GNPTAB: variants seen among roughly 807,000 people sequenced by gnomAD.
The protein encoded by GNPTAB is N-acetylglucosamine-1-phosphotransferase subunits alpha/beta.
GNPTAB carries 92 observed loss-of-function variants against 136.6 expected under a neutral mutation model. The observed-to-expected ratio is 0.67, with a 90% CI of 0.57 to 0.80. The LOEUF (loss-of-function observed/expected upper bound fraction) is 0.80. Ranked by LOEUF, GNPTAB falls within the 30% of genes least tolerant of loss-of-function variation. The pLI, the probability that GNPTAB is intolerant of heterozygous loss-of-function variation, is 0.00. For synonymous variants in GNPTAB, 512 were observed against 535.1 expected (o/e 0.96, Z 0.60); for missense variants, 1,343 against 1,501.8 (o/e 0.89, Z 1.75).
intron 7 of GNPTAB, among the ~76,000 whole-genome samples, chr12:101,776,893 G>A (rs1015328301): frequency 2.0e-4 from 31 of 152,220 alleles, no homozygotes; most frequent in African/African-American, 7.5e-4. Context: ...AAGGCCTCCT[G>A]GGGGAACCTG....
chr12:101,796,693 T>G lies in GNPTAB; in HGVS notation c.187A>C (p.Lys63Gln). ...FDSYRDNIAG[K>Q]SFQNRLCLPM... The stretch of plus-strand genomic sequence containing the variant: ...AGATCTTACCGATTCTGAAAGGACT[T>G]TCCAGCAATATTGTCTCTATAGGAA... The change falls in exon 2 of 21, where the codon AAG (lysine) becomes CAG (glutamine). Residue 63 changes from lysine (K) to glutamine (Q), a missense_variant. Physicochemically the swap from Lys to Gln is moderately conservative, Grantham distance 53. Coordinates refer to ENST00000299314, the MANE Select transcript of GNPTAB (RefSeq NM_024312.5). The G allele has an allele frequency of 1.2e-6, 2 of 1,609,432 alleles. No homozygotes were observed. Among genetic ancestry groups the G allele is most frequent in the Non-Finnish European group, 1.7e-6 (2 of 1,175,890 alleles).
chr12:101,800,604 C>CAAAAAA (rs58129963), intron 1 of GNPTAB, among the ~76,000 whole-genome samples: 20 of 74,268 alleles, frequency 2.7e-4, no homozygotes, highest in African/African-American at 7.4e-4. Flanking sequence ...ACTAAAAATA[C>CAAAAAA]AAAAAAAAAA....
chr12:101,747,495 T>C (rs1194516365), intron 20 of GNPTAB, among the ~76,000 whole-genome samples: 3 of 152,202 alleles, frequency 2.0e-5, no homozygotes, highest in Admixed American at 6.5e-5. Flanking sequence ...TTTCGGCCCA[T>C]GCTTCATTTT....
intron 12 of GNPTAB, 117 bp downstream of exon 12, chr12:101,765,974 C>A: frequency 2.3e-6 from 2 of 862,606 alleles, no homozygotes; most frequent in South Asian, 1.3e-5. Flanking sequence ...GAATGCAAGG[C>A]TGGTAAAGGG....
At position 101,761,694 on chromosome 12, in the gene GNPTAB, C is replaced by A; in HGVS notation, c.2785G>T (p.Asp929Tyr). ...TATCTGAGGGAATCTGCAAATGTAT[C>A]TTTTAGTTGCCTCCCAGTATTTTTG... ...DSKNTGRQLK[D>Y]TFADSLRYVN... The change falls in exon 14 of 21, where the codon GAT (aspartate) becomes TAT (tyrosine). Residue 929 changes from aspartate to tyrosine, a missense_variant. Transcript: ENST00000299314. 6.2e-7 allele frequency: 1 copy of A among 1,613,886 alleles called. No homozygotes were observed. Among genetic ancestry groups the A allele is most frequent in the Non-Finnish European group, 8.5e-7 (1 of 1,179,760 alleles).
At position 101,830,641 on chromosome 12, in the gene GNPTAB, G is replaced by C. The variant is rs1296697509; in HGVS notation, c.35C>G (p.Thr12Ser). 8.7e-6 allele frequency: 14 copies of C among 1,611,036 alleles called. No individual in the cohort carries two copies. Among genetic ancestry groups the C allele is most frequent in the Non-Finnish European group, 1.2e-5 (14 of 1,177,762 alleles). The change falls in exon 1 of 21, where the codon ACC (threonine) becomes AGC (serine). Residue 12 changes from threonine to serine, a missense_variant. Physicochemically the swap from Thr to Ser is moderately conservative, Grantham distance 58 (BLOSUM62 1). Coordinates refer to ENST00000299314, the MANE Select transcript of GNPTAB (RefSeq NM_024312.5). ...LFKLLQRQTY[T>S]CLSHRYGLYV... The stretch of plus-strand genomic sequence containing the variant: ...GAGCCCATACCTGTGGGACAGGCAG[G>C]TATAGGTCTGTCTCTGCAGGAGCTT...
intron 2 of GNPTAB, 183 bp downstream of exon 2, chr12:101,796,494 T>G (rs1264055392): frequency 1.6e-6 from 1 of 618,196 alleles, no homozygotes; most frequent in Non-Finnish European, 2.9e-6. Context: ...CGTTCCAGTT[T>G]TTTTTTCCTT....
intron 7 of GNPTAB, among the ~76,000 whole-genome samples, chr12:101,772,749 C>A (rs11111016): frequency 0.098 from 14,928 of 152,154 alleles, 876 homozygotes; most frequent in Middle Eastern, 0.2. Flanking sequence ...TCTCACAGCA[C>A]CCCCAAAGCA....
chr12:101,768,234 T>C (rs1179437073), intron 10 of GNPTAB, 74 bp from the exon 11 acceptor site: 3 of 1,520,438 alleles, frequency 2.0e-6, no homozygotes, highest in East Asian at 4.6e-5. Context: ...TAAGATTCCC[T>C]TTATAAAAAG....
intron 1 of GNPTAB, among the ~76,000 whole-genome samples, chr12:101,797,197 A>G (rs994666968): frequency 1.3e-5 from 2 of 152,180 alleles, no homozygotes; most frequent in Non-Finnish European, 2.9e-5. Flanking sequence ...AAATGGGTCT[A>G]GGAAAGAAAG....
chr12:101,765,393 T>C, intron 12 of GNPTAB, 89 bp from the exon 13 acceptor site: 3 of 916,810 alleles, frequency 3.3e-6, no homozygotes, highest in Non-Finnish European at 5.3e-6. Flanking sequence ...AGTTTTCACT[T>C]TCTTTTAAAA....
At chr12:101,801,179 C>T (rs903172419) in intron 1 of GNPTAB, among the ~76,000 whole-genome samples, 1 of 138,362 alleles carries the variant, frequency 7.2e-6, no homozygotes, top group Non-Finnish European at 1.5e-5. Flanking sequence ...CTGCAGTGAG[C>T]CATGATTGCA....
At chr12:101,752,421 T>TCAAAA (rs547835167) in intron 19 of GNPTAB, among the ~76,000 whole-genome samples, 488 of 152,272 alleles carry the variant, frequency 3.2e-3, no homozygotes, top group East Asian at 7.9e-3. Context: ...CAAGACTGTC[T>TCAAAA]CAAAACAAAA....
At chr12:101,800,513 C>CT (rs1375339563) in intron 1 of GNPTAB, among the ~76,000 whole-genome samples, 1 of 147,688 alleles carries the variant, frequency 6.8e-6, no homozygotes, top group Non-Finnish European at 1.5e-5. Context: ...AATCCCAGCA[C>CT]TTTGGGAGGT....
At chr12:101,799,935 T>C (rs565961630) in intron 1 of GNPTAB, among the ~76,000 whole-genome samples, 3 of 152,244 alleles carry the variant, frequency 2.0e-5, no homozygotes, top group Non-Finnish European at 4.4e-5. Flanking sequence ...ATGGAAAGAA[T>C]TGCCAACGTT....
At chr12:101,747,800 C>T (rs1952756572) in intron 20 of GNPTAB, among the ~76,000 whole-genome samples, 1 of 151,692 alleles carries the variant, frequency 6.6e-6, no homozygotes, top group Non-Finnish European at 1.5e-5. Context: ...AGGAGTTTGA[C>T]TCCAGTAGAG....
Position 101,780,633 on chromosome 12 carries a change from A to G in GNPTAB, c.572-12T>C. On this transcript the variant is annotated splice_polypyrimidine_tract_variant and intron_variant, in intron 5 of 20. Coordinates refer to ENST00000299314, the MANE Select transcript of GNPTAB (RefSeq NM_024312.5). ...GTGGGCATCTTCAACTACAACCAAG[A>G]ATACAATAAACAAGCACATTTTTAA... 6.3e-7 allele frequency: 1 copy of G among 1,579,040 alleles called. No homozygotes were observed.
chr12:101,804,963 A>C (rs1048307721), intron 1 of GNPTAB, among the ~76,000 whole-genome samples: 4 of 152,268 alleles, frequency 2.6e-5, no homozygotes, highest in Non-Finnish European at 4.4e-5. Flanking sequence ...AAAGTACTAT[A>C]GGATGTATAA....
intron 5 of GNPTAB, among the ~76,000 whole-genome samples, chr12:101,783,103 G>A (rs570859150): frequency 1.3e-5 from 2 of 151,622 alleles, no homozygotes; most frequent in African/African-American, 2.4e-5. Flanking sequence ...CGTGTTTACC[G>A]TCTGACTCTC....
Sources: allele counts gnomAD v4.1 joint callset (sites outside exome capture counted in the v4.1 genomes callset), GRCh38; gene constraint gnomAD v4.1.1; transcripts MANE v1.5; gene names NCBI Gene and HGNC (gene_info 2026-07-23, HGNC 2026-07-21).